The following OS9 variants were observed in gnomAD, a reference collection of about 807,000 sequenced individuals.
The protein encoded by OS9 is protein OS-9.
In OS9, 58 loss-of-function variants were observed where a neutral mutation model predicts 84.7. The ratio of observed to expected loss-of-function variants is 0.68; its 90% CI spans 0.55 to 0.85. The LOEUF (loss-of-function observed/expected upper bound fraction) is 0.85, where lower values mean the gene tolerates loss of function less well. OS9 is among the 40% of genes least tolerant of loss of function. The probability of loss-of-function intolerance (pLI) is 0.00; values close to 1 mark genes in which losing one functional copy is unlikely to be tolerated. For synonymous variants in OS9, 278 were observed against 320.8 expected, an observed-to-expected ratio of 0.87 and a Z score of 1.43; for missense variants, 760 against 850.9, an observed-to-expected ratio of 0.89 and a Z score of 1.33.
chr12:57,695,193 C>T, intron 2 of OS9: 1 of 497,184 alleles, frequency 2.0e-6, no homozygotes, highest in African/African-American at 1.9e-5. Context: ...AGGAGGAGTA[C>T]TTCCTTAAGC....
intron 12 of OS9, chr12:57,719,515 C>A: frequency 3.7e-6 from 1 of 269,256 alleles, no homozygotes; most frequent in East Asian, 7.8e-5. Context: ...TGCTGAAAAC[C>A]ACTTTAGGAC....
intron 5 of OS9, among the ~76,000 whole-genome samples, chr12:57,711,456 C>T (rs995416979): frequency 3.3e-5 from 5 of 151,054 alleles, no homozygotes; most frequent in African/African-American, 7.3e-5. Flanking sequence ...AAGGGATTCA[C>T]CTGCCTCAGC....
intron 5 of OS9, 80 bp downstream of exon 5, chr12:57,696,453 G>T (rs1424704529): frequency 8.2e-6 from 1 of 122,444 alleles, no homozygotes; most frequent in East Asian, 5.3e-5. Context: ...TCTTATAGTC[G>T]GGGCGGGGGC....
In OS9 at chr12:57,720,764, C is replaced by A. The variant is rs774499186; in HGVS notation, c.1879-20C>A. The A allele has an allele frequency of 6.3e-7, 1 of 1,590,450 alleles. No individual in the cohort carries two copies. The highest frequency in any genetic ancestry group is 8.6e-7 in the Non-Finnish European group (1 of 1,168,254). Reference sequence around the variant, plus strand: ...CTCAACGGCCAGTAGCTCCAGCCCACCTCTACCCTCTCCCACCAGGTGCCG... The same window carrying A: ...CTCAACGGCCAGTAGCTCCAGCCCAACTCTACCCTCTCCCACCAGGTGCCG... On this transcript the variant is annotated intron_variant, in intron 14 of 14. Coordinates refer to ENST00000315970, the MANE Select transcript of OS9 (RefSeq NM_006812.4).
chr12:57,718,872 T>C, intron 11 of OS9, 121 bp from the exon 12 acceptor site: 6 of 741,786 alleles, frequency 8.1e-6, no homozygotes, highest in South Asian at 7.0e-5. Context: ...ACCACTGTAC[T>C]CCAGCCTGGG....
chr12:57,720,124 G>A lies in OS9; in HGVS notation c.1626G>A (p.Arg542=), dbSNP rs1954630452. The A allele has an allele frequency of 6.2e-7, 1 of 1,613,914 alleles. No individual in the cohort carries two copies. The highest frequency in any genetic ancestry group is 1.3e-5 in the African/African-American group (1 of 74,914). ...AGGAGGATCCTGAGCACAGAGTCCG[G>A]GTCCGGGTCACCAAGCTCCGTCTCG... ...PTEEDPEHRV[R]VRVTKLRLGG... Residue 542 remains arginine, a synonymous_variant, in exon 13 of 15, where the codon CGG becomes CGA. Transcript: ENST00000315970.
chr12:57,716,329 A>C, intron 7 of OS9, 83 bp from the exon 8 acceptor site: 3 of 1,202,176 alleles, frequency 2.5e-6, no homozygotes, highest in Non-Finnish European at 3.6e-6. Flanking sequence ...GTGATAGAGG[A>C]GGGGAAGGGA....
chr12:57,711,570 C>T lies in OS9; in HGVS notation c.580-4190C>T, dbSNP rs558844258. 5.3e-5 allele frequency among the ~76,000 whole-genome samples: 8 copies of T among 152,204 alleles called. No individual in the cohort carries two copies. The South Asian group carries it at 1.7e-3, about 32-fold the overall frequency. On this transcript the variant is annotated intron_variant, in intron 5 of 14. Coordinates refer to ENST00000315970, the MANE Select transcript of OS9 (RefSeq NM_006812.4). ...CCATGTTGACCAGGATGGCCTTGAT[C>T]TCTTGACCTCGTGATCTGCCCTCCT... is the stretch of plus-strand genomic sequence containing the variant.
intron 5 of OS9, among the ~76,000 whole-genome samples, chr12:57,697,193 A>G (rs919551725): frequency 2.5e-4 from 38 of 152,334 alleles, no homozygotes; most frequent in African/African-American, 8.4e-4. Context: ...ATGTTTGCCA[A>G]TGCCTGTGGT....
chr12:57,696,126 C>G, intron 4 of OS9, 88 bp downstream of exon 4: 1 of 1,261,504 alleles, frequency 7.9e-7, no homozygotes, highest in Non-Finnish European at 1.2e-6. Flanking sequence ...ATTAGCTGAT[C>G]TGTTTCTTGG....
intron 5 of OS9, among the ~76,000 whole-genome samples, chr12:57,703,158 C>T (rs529839592): frequency 7.2e-5 from 11 of 152,230 alleles, no homozygotes; most frequent in South Asian, 4.1e-4. Flanking sequence ...CAGGTTCAAG[C>T]GATTCTCCTG....
At chr12:57,714,495 G>A (rs374456994) in intron 5 of OS9, among the ~76,000 whole-genome samples, 5 of 150,858 alleles carry the variant, frequency 3.3e-5, no homozygotes, top group Admixed American at 6.6e-5. Flanking sequence ...GTGAGCCACC[G>A]CGCCCAGCCA....
Position 57,720,146 on chromosome 12 carries a change from C to T in OS9, c.1648C>T (p.Leu550Phe). ...RVRVRVTKLR[L>F]GGPNQDLTVL... ...CCGGGTCCGGGTCACCAAGCTCCGTCTCGGAGGCCCTAATCAGGATCTGAC... is the reference window on the plus strand; with the variant it reads ...CCGGGTCCGGGTCACCAAGCTCCGTTTCGGAGGCCCTAATCAGGATCTGAC... The change falls in exon 13 of 15, where the codon CTC (leucine) becomes TTC (phenylalanine). Residue 550 changes from leucine (L) to phenylalanine (F), a missense_variant. Coordinates refer to ENST00000315970, the MANE Select transcript of OS9 (RefSeq NM_006812.4). The T allele has an allele frequency of 1.2e-6, 2 of 1,614,206 alleles. No individual in the cohort carries two copies. The highest frequency in any genetic ancestry group is 1.7e-6 in the Non-Finnish European group (2 of 1,180,040).
At chr12:57,720,573 C>T (rs899495123) in intron 14 of OS9, 55 bp downstream of exon 14, 14 of 1,385,570 alleles carry the variant, frequency 1.0e-5, no homozygotes, top group South Asian at 3.5e-5. Context: ...AGTGGAGGTG[C>T]GGGCTTGCCC....
At chr12:57,716,237 C>T (rs1486455053) in intron 7 of OS9, 44 bp downstream of exon 7, 1 of 1,226,614 alleles carries the variant, frequency 8.2e-7, no homozygotes, top group Admixed American at 1.9e-5. Context: ...ACTTCCATTT[C>T]TTCCCTTCCC....
chr12:57,694,741 C>T lies in OS9; in HGVS notation c.163-9C>T, dbSNP rs1953773364. 3.1e-6 allele frequency: 5 copies of T among 1,613,346 alleles called. No individual in the cohort carries two copies. The highest frequency in any genetic ancestry group is 1.8e-4 in the Middle Eastern group (1 of 5,566). ...CTTCCTTGCCCCCCGACCCTCCCTT[C>T]TTTCCCAGAGCCAATCTTCGGACGT... On this transcript the variant is annotated splice_polypyrimidine_tract_variant and intron_variant, in intron 1 of 14. Coordinates refer to ENST00000315970, the MANE Select transcript of OS9 (RefSeq NM_006812.4).
Position 57,716,676 on chromosome 12 carries a change from C to T in OS9, c.994-17C>T, listed in dbSNP as rs762332998. ...AACAGGCTTTCATACTTGACTCTCT[C>T]CTTTTCTCCTCGTCAGGAGCAGGAC... On this transcript the variant is annotated splice_polypyrimidine_tract_variant and intron_variant, in intron 8 of 14. Transcript: ENST00000315970. 1 of 1,613,390 alleles carries T rather than the reference C, an allele frequency of 6.2e-7. No individual in the cohort carries two copies. The highest frequency in any genetic ancestry group is 1.3e-5 in the African/African-American group (1 of 74,890).
At chr12:57,716,279 T>TTG in intron 7 of OS9, 86 bp downstream of exon 7, 2 of 508,620 alleles carry the variant, frequency 3.9e-6, no homozygotes, top group South Asian at 4.0e-5. Context: ...ACTGGTGGGG[T>TTG]GGGGGGGGGT....
chr12:57,700,786 G>A (rs974478876), intron 5 of OS9, among the ~76,000 whole-genome samples: 10 of 151,640 alleles, frequency 6.6e-5, no homozygotes, highest in African/African-American at 2.4e-4. Context: ...AAAAAAATGC[G>A]GACAGGGCTG....
Sources: gnomAD v4.1 joint callset for allele counts (sites outside exome capture counted in the v4.1 genomes callset) on GRCh38, gnomAD v4.1.1 for gene constraint, MANE v1.5 for transcripts, NCBI Gene and HGNC (gene_info 2026-07-23, HGNC 2026-07-21) for gene names.